The following NKX1-2 variants were observed in gnomAD, a reference collection of about 807,000 sequenced individuals.
The protein encoded by NKX1-2 is NK1 homeobox 2.
NKX1-2 carries 1 observed loss-of-function variant against 4.4 expected under a neutral mutation model. The observed-to-expected ratio is 0.23, with a 90% confidence interval of 0.08 to 1.08. The LOEUF (loss-of-function observed/expected upper bound fraction) is 1.08. Among genes scored for constraint, NKX1-2 ranks in the 50% least tolerant of loss-of-function variants. The pLI is 0.55. For synonymous variants in NKX1-2, 235 were observed against 228.0 expected (o/e 1.03, Z -0.28); for missense variants, 503 against 464.6 (o/e 1.08, Z -0.76).
chr10:124,446,019 A>C lies in NKX1-2; in HGVS notation c.*1410T>G, dbSNP rs185122280. 2.0e-5 allele frequency: 3 copies of C among 152,356 alleles called. No individual in the cohort carries two copies. Among genetic ancestry groups the C allele is most frequent in the Admixed American group, 2.0e-4 (3 of 15,310 alleles). The allele number at this position is 152,356 out of a possible 1,614,324, so 9.4% of individuals were successfully genotyped here. On this transcript the variant is annotated 3_prime_UTR_variant, in exon 2 of 2. Transcript: ENST00000451024. ...AAAAATAGCAAGGAATATGGTATCC[A>C]CACAGATCTCGGCTGGCCTCAAGTA... is the stretch of plus-strand genomic sequence containing the variant.
Position 124,446,983 on chromosome 10 carries a change from G to C in NKX1-2, c.*446C>G, listed in dbSNP as rs1327897876. ...CTCTCTGGGTTTGGGCTGAACCATC[G>C]AGCACGAGGAGGGGAAGCTGTCAGT... On this transcript the variant is annotated 3_prime_UTR_variant, in exon 2 of 2. Transcript: ENST00000451024. 6.5e-6 allele frequency: 1 copy of C among 154,604 alleles called. No individual in the cohort carries two copies. The highest frequency in any genetic ancestry group is 2.4e-5 in the African/African-American group (1 of 41,564). 9.6% of individuals were successfully genotyped at this position (154,604 alleles called of 1,614,324 possible). A position where few individuals can be genotyped will look rare whatever the true frequency, so the allele number is the denominator to read the frequency against.
rs1011891527 is a variant in NKX1-2 at position 124,447,887 on chromosome 10, T to C, written c.475A>G (p.Asn159Asp). 6.5e-5 allele frequency: 93 copies of C among 1,429,266 alleles called. No individual in the cohort carries two copies. The highest frequency in any genetic ancestry group is 8.5e-5 in the Non-Finnish European group (92 of 1,084,796). 88.5% of individuals were successfully genotyped at this position (1,429,266 alleles called of 1,614,324 possible). Residue 159 changes from asparagine (N) to aspartate (D), a missense_variant, in exon 2 of 2, where the codon AAC (asparagine) becomes GAC (aspartate). Asn to Asp is a conservative substitution (Grantham distance 23). Transcript: ENST00000451024. ...CGCGCGCGCCGCGGCTTGGCGCAGT[T>C]GGGCTCCAGGCGCCGGCGCCTGGGA... Reference protein sequence around the residue: ...PRPRRRRLEPNCAKPRRARTA... With the variant: ...PRPRRRRLEPDCAKPRRARTA...
chr10:124,448,269 C>T lies in NKX1-2; in HGVS notation c.215-122G>A, dbSNP rs1228583068. The T allele has an allele frequency of 3.1e-6, 4 of 1,309,210 alleles. No homozygotes were observed. The highest frequency in any genetic ancestry group is 4.0e-5 in the Admixed American group (1 of 24,936). The allele number at this position is 1,309,210 out of a possible 1,614,324, so 81.1% of individuals were successfully genotyped here. A position where few individuals can be genotyped will look rare whatever the true frequency, so the allele number is the denominator to read the frequency against. On this transcript the variant is annotated intron_variant, in intron 1 of 1. Transcript: ENST00000451024. This position sits in a 1 kb window ranked among gnomAD's most constrained non-coding sequence, Gnocchi z 4.1. Reference sequence around the variant, plus strand: ...CTGGGTGCTGCTCCTGTCCCCACATCGCGCTCCCCTTAGGCCGGACTACAC... The same window carrying T: ...CTGGGTGCTGCTCCTGTCCCCACATTGCGCTCCCCTTAGGCCGGACTACAC...
chr10:124,447,425 G>C lies in NKX1-2; in HGVS notation c.*4C>G. 1 of 1,247,326 alleles carries C rather than the reference G, an allele frequency of 8.0e-7. No individual in the cohort carries two copies. The highest frequency in any genetic ancestry group is 1.0e-6 in the Non-Finnish European group (1 of 987,534). The allele number at this position is 1,247,326 out of a possible 1,614,324, so 77.3% of individuals were successfully genotyped here. A position where few individuals can be genotyped will look rare whatever the true frequency, so the allele number is the denominator to read the frequency against. On this transcript the variant is annotated 3_prime_UTR_variant, in exon 2 of 2. Transcript: ENST00000451024. ...CGCGAAAGAGGGGCCAGGGGGCTCCGGATTCATAGACGCGGGGCGTAGAAG... is the reference window on the plus strand; with the variant it reads ...CGCGAAAGAGGGGCCAGGGGGCTCCCGATTCATAGACGCGGGGCGTAGAAG...
chr10:124,449,933 C>G lies in NKX1-2; in HGVS notation c.11G>C (p.Trp4Ser). The G allele has an allele frequency of 6.5e-7, 1 of 1,536,012 alleles. No homozygotes were observed. The highest frequency in any genetic ancestry group is 8.8e-7 in the Non-Finnish European group (1 of 1,136,494). ...AGCCGCCTTGGCCCCGCCGTCCTGC[C>G]ATGCCAGCATGCCCGTCGCCCACGG... is the stretch of plus-strand genomic sequence containing the variant. MLA[W>S]QDGGAKAAPS... is the part of the protein sequence containing the mutation. Residue 4 changes from tryptophan (W) to serine (S), a missense_variant, in exon 1 of 2, where the codon TGG becomes TCG. Transcript: ENST00000451024. The surrounding 1 kb of genome is among the most constrained non-coding windows in gnomAD (Gnocchi z 7.5).
Position 124,447,407 on chromosome 10 carries a change from G to A in NKX1-2, c.*22C>T. ...CCAATCCCTCGTGAATCCCGCGAAAGAGGGGCCAGGGGGCTCCGGATTCAT... is the reference window on the plus strand; with the variant it reads ...CCAATCCCTCGTGAATCCCGCGAAAAAGGGGCCAGGGGGCTCCGGATTCAT... On this transcript the variant is annotated 3_prime_UTR_variant, in exon 2 of 2. Coordinates refer to ENST00000451024, the MANE Select transcript of NKX1-2 (RefSeq NM_001146340.3). The A allele has an allele frequency of 8.0e-7, 1 of 1,243,754 alleles. No individual in the cohort carries two copies. Among genetic ancestry groups the A allele is most frequent in the South Asian group, 4.1e-5 (1 of 24,396 alleles). The allele number at this position is 1,243,754 out of a possible 1,614,324, so 77.0% of individuals were successfully genotyped here. A position where few individuals can be genotyped will look rare whatever the true frequency, so the allele number is the denominator to read the frequency against.
chr10:124,449,281 C>T lies in NKX1-2; in HGVS notation c.214+449G>A, dbSNP rs568975838. On this transcript the variant is annotated intron_variant, in intron 1 of 1. Coordinates refer to ENST00000451024, the MANE Select transcript of NKX1-2 (RefSeq NM_001146340.3). The surrounding 1 kb of genome is among the most constrained non-coding windows in gnomAD (Gnocchi z 7.5). ...CCTCGCTACTCACGAAGACCCCCGG[C>T]GCAAGCCTTAGCGTCAGCTCCCCCA... 2.1e-3 allele frequency among the ~76,000 whole-genome samples: 315 copies of T among 152,314 alleles called. No homozygotes were observed. The highest frequency in any genetic ancestry group is 6.6e-3 in the African/African-American group (274 of 41,572).
At position 124,448,495 on chromosome 10, in the gene NKX1-2, C is replaced by T; in HGVS notation, c.215-348G>A. The T allele has an allele frequency of 5.2e-6, 1 of 193,174 alleles. No homozygotes were observed. Among genetic ancestry groups the T allele is most frequent in the East Asian group, 1.2e-4 (1 of 8,284 alleles). 12.0% of individuals were successfully genotyped at this position (193,174 alleles called of 1,614,324 possible). A position where few individuals can be genotyped will look rare whatever the true frequency, so the allele number is the denominator to read the frequency against. Reference sequence around the variant, plus strand: ...GATGTCAAACGCTTTTAGGGCTGTGCCTTCCCCAGACCCTAGAAGCCTATT... The same window carrying T: ...GATGTCAAACGCTTTTAGGGCTGTGTCTTCCCCAGACCCTAGAAGCCTATT... On this transcript the variant is annotated intron_variant, in intron 1 of 1. Coordinates refer to ENST00000451024, the MANE Select transcript of NKX1-2 (RefSeq NM_001146340.3). The surrounding 1 kb of genome is among the most constrained non-coding windows in gnomAD (Gnocchi z 4.1).
rs1952281403 is a variant in NKX1-2, at chr10:124,449,997, T to C, written c.-54A>G. ...GGCGCGGGGTTGGGGATGGCGCCGC[T>C]CGGGCTTGCCTTCGGCTGTGGCTTG... On this transcript the variant is annotated 5_prime_UTR_variant, in exon 1 of 2. Transcript: ENST00000451024. This position sits in a 1 kb window ranked among gnomAD's most constrained non-coding sequence, Gnocchi z 7.5. 15 of 1,291,574 alleles carry C rather than the reference T, an allele frequency of 1.2e-5. No individual in the cohort carries two copies. The South Asian group carries it at 1.9e-4, about 16-fold the overall frequency. 80.0% of individuals were successfully genotyped at this position (1,291,574 alleles called of 1,614,324 possible).
chr10:124,448,038 C>A lies in NKX1-2; in HGVS notation c.324G>T (p.Ala108=). 6.6e-7 allele frequency: 1 copy of A among 1,518,108 alleles called. No homozygotes were observed. Among genetic ancestry groups the A allele is most frequent in the Non-Finnish European group, 8.8e-7 (1 of 1,138,300 alleles). 94.0% of individuals were successfully genotyped at this position (1,518,108 alleles called of 1,614,324 possible). A position where few individuals can be genotyped will look rare whatever the true frequency, so the allele number is the denominator to read the frequency against. The change falls in exon 2 of 2, where the codon GCG becomes GCT. Residue 108 remains alanine (A), a synonymous_variant. Coordinates refer to ENST00000451024, the MANE Select transcript of NKX1-2 (RefSeq NM_001146340.3). This position sits in a 1 kb window ranked among gnomAD's most constrained non-coding sequence, Gnocchi z 4.1. ...AGCGCGCTAGGCCCGGCAGCAAGCG[C>A]GCAGCCCGCTCCCGCAGCCGCGGCC... ...PRRPRLRERA[A]RLLPGLARSP...
rs948283769 is a variant in NKX1-2, at chr10:124,448,276, C to T, written c.215-129G>A. 1 of 1,291,552 alleles carries T rather than the reference C, an allele frequency of 7.7e-7. No individual in the cohort carries two copies. Among genetic ancestry groups the T allele is most frequent in the Non-Finnish European group, 9.8e-7 (1 of 1,021,164 alleles). The allele number at this position is 1,291,552 out of a possible 1,614,324, so 80.0% of individuals were successfully genotyped here. The stretch of plus-strand genomic sequence containing the variant: ...CTGCTCCTGTCCCCACATCGCGCTC[C>T]CCTTAGGCCGGACTACACATCCTCG... On this transcript the variant is annotated intron_variant, in intron 1 of 1. Transcript: ENST00000451024. The surrounding 1 kb of genome is among the most constrained non-coding windows in gnomAD (Gnocchi z 4.1).
Position 124,445,823 on chromosome 10 carries a change from T to C in NKX1-2, c.*1606A>G, listed in dbSNP as rs1589735193. The C allele has an allele frequency of 6.6e-6, 1 of 152,340 alleles. No individual in the cohort carries two copies. The highest frequency in any genetic ancestry group is 1.9e-4 in the East Asian group (1 of 5,186). 9.4% of individuals were successfully genotyped at this position (152,340 alleles called of 1,614,324 possible). On this transcript the variant is annotated 3_prime_UTR_variant, in exon 2 of 2. Transcript: ENST00000451024. ...AATATTATGAGAGTCACATGAACCA[T>C]GAAGTCTTCACTTAATTTAGGAGAA...
At position 124,445,441 on chromosome 10, in the gene NKX1-2, C is replaced by T. The variant is rs1485123567; in HGVS notation, c.*1988G>A. The T allele has an allele frequency of 6.6e-6, 1 of 152,208 alleles. No homozygotes were observed. The highest frequency in any genetic ancestry group is 1.5e-5 in the Non-Finnish European group (1 of 68,042). 9.4% of individuals were successfully genotyped at this position (152,208 alleles called of 1,614,324 possible). A position where few individuals can be genotyped will look rare whatever the true frequency, so the allele number is the denominator to read the frequency against. ...GGCCACGAACAGATCAGCCTCCCAC[C>T]TCTCTCCCTATTCCCTCTCTTCTAC... is the stretch of plus-strand genomic sequence containing the variant. On this transcript the variant is annotated 3_prime_UTR_variant, in exon 2 of 2. Transcript: ENST00000451024.
rs969450816 is a variant in NKX1-2, at chr10:124,449,139, C to G, written c.214+591G>C. Among the ~76,000 whole-genome samples the G allele has an allele frequency of 1.3e-5, 2 of 152,194 alleles. No homozygotes were observed. The highest frequency in any genetic ancestry group is 2.4e-5 in the African/African-American group (1 of 41,448). ...GGTTTCGAGAAGAAAGTACCGAAAG[C>G]TTCCCAACACTCCATCCGAGCCCCG... On this transcript the variant is annotated intron_variant, in intron 1 of 1. Coordinates refer to ENST00000451024, the MANE Select transcript of NKX1-2 (RefSeq NM_001146340.3). This position sits in a 1 kb window ranked among gnomAD's most constrained non-coding sequence, Gnocchi z 7.5.
Position 124,446,181 on chromosome 10 carries a change from C to T in NKX1-2, c.*1248G>A, listed in dbSNP as rs1952235308. ...AAAGTGGCAAGGGAATTTCACAGAA[C>T]TAATTTTTTAAGGGAGGTAATAAAA... On this transcript the variant is annotated 3_prime_UTR_variant, in exon 2 of 2. Transcript: ENST00000451024. 6.6e-6 allele frequency: 1 copy of T among 152,108 alleles called. No individual in the cohort carries two copies. The highest frequency in any genetic ancestry group is 2.4e-5 in the African/African-American group (1 of 41,406). The allele number at this position is 152,108 out of a possible 1,614,324, so 9.4% of individuals were successfully genotyped here. A position where few individuals can be genotyped will look rare whatever the true frequency, so the allele number is the denominator to read the frequency against.
Position 124,448,434 on chromosome 10 carries a change from A to G in NKX1-2, c.215-287T>C. ...AAAATAGTGACATTATTGGGTAACC[A>G]TACTGGGGGGTAGGATCATTGTATT... On this transcript the variant is annotated intron_variant, in intron 1 of 1. Transcript: ENST00000451024. The surrounding 1 kb of genome is among the most constrained non-coding windows in gnomAD (Gnocchi z 4.1). 1 of 335,312 alleles carries G rather than the reference A, an allele frequency of 3.0e-6. No individual in the cohort carries two copies. Among genetic ancestry groups the G allele is most frequent in the African/African-American group, 2.1e-5 (1 of 47,246 alleles). The allele number at this position is 335,312 out of a possible 1,614,324, so 20.8% of individuals were successfully genotyped here. A position where few individuals can be genotyped will look rare whatever the true frequency, so the allele number is the denominator to read the frequency against.
rs1171656019 is a variant in NKX1-2 at position 124,449,973 on chromosome 10, G to T, written c.-30C>A. On this transcript the variant is annotated 5_prime_UTR_variant, in exon 1 of 2. Transcript: ENST00000451024. This position sits in a 1 kb window ranked among gnomAD's most constrained non-coding sequence, Gnocchi z 7.5. ...GTCGCCCACGGGCCGGCGGTCGGCG[G>T]CGCGGGGTTGGGGATGGCGCCGCTC... is the stretch of plus-strand genomic sequence containing the variant. 1.3e-6 allele frequency: 2 copies of T among 1,497,130 alleles called. No individual in the cohort carries two copies. The highest frequency in any genetic ancestry group is 1.8e-6 in the Non-Finnish European group (2 of 1,116,920). 92.7% of individuals were successfully genotyped at this position (1,497,130 alleles called of 1,614,324 possible). A position where few individuals can be genotyped will look rare whatever the true frequency, so the allele number is the denominator to read the frequency against.
Position 124,447,336 on chromosome 10 carries a change from C to T in NKX1-2, c.*93G>A, listed in dbSNP as rs1952247718. On this transcript the variant is annotated 3_prime_UTR_variant, in exon 2 of 2. Coordinates refer to ENST00000451024, the MANE Select transcript of NKX1-2 (RefSeq NM_001146340.3). Reference sequence around the variant, plus strand: ...CGGCGGGCAGGGGTGCGCTGACACCCGCGCACCTGCACCCCCGGTGGAGGA... The same window carrying T: ...CGGCGGGCAGGGGTGCGCTGACACCTGCGCACCTGCACCCCCGGTGGAGGA... 3 of 768,984 alleles carry T rather than the reference C, an allele frequency of 3.9e-6. No individual in the cohort carries two copies. The highest frequency in any genetic ancestry group is 7.4e-5 in the East Asian group (2 of 27,168). 47.6% of individuals were successfully genotyped at this position (768,984 alleles called of 1,614,324 possible).
rs920010794 is a variant in NKX1-2 at position 124,449,155 on chromosome 10, C to T, written c.214+575G>A. ...TACCGAAAGCTTCCCAACACTCCAT[C>T]CGAGCCCCGCCCCCAGCCCAGTCCC... On this transcript the variant is annotated intron_variant, in intron 1 of 1. Transcript: ENST00000451024. This position sits in a 1 kb window ranked among gnomAD's most constrained non-coding sequence, Gnocchi z 7.5. 2.0e-5 allele frequency among the ~76,000 whole-genome samples: 3 copies of T among 152,236 alleles called. No homozygotes were observed. Among genetic ancestry groups the T allele is most frequent in the Non-Finnish European group, 4.4e-5 (3 of 68,042 alleles).
Sources: allele counts gnomAD v4.1 joint callset (sites outside exome capture counted in the v4.1 genomes callset), GRCh38; gene constraint gnomAD v4.1.1; non-coding constraint Gnocchi (gnomAD v3.1); transcripts MANE v1.5; gene names NCBI Gene and HGNC (gene_info 2026-07-23, HGNC 2026-07-21).